Variants in NELL1 observed in about 807,000 individuals in gnomAD.
NELL1 encodes protein kinase C-binding protein NELL1.
NELL1 carries 76 observed loss-of-function variants against 107.4 expected under a neutral mutation model. That is an observed-to-expected ratio of 0.71 (90% CI 0.59 to 0.86). NELL1 has a LOEUF of 0.86. Among genes scored for constraint, NELL1 ranks in the 40% least tolerant of loss-of-function variants. The probability of loss-of-function intolerance (pLI) is 0.00; values close to 1 mark genes in which losing one functional copy is unlikely to be tolerated. For missense variants in NELL1, 1,024 were observed against 1,005.5 expected (o/e 1.02, Z -0.25); for synonymous variants, 353 against 341.2 (o/e 1.03, Z -0.38).
intron 15 of NELL1, among the ~76,000 whole-genome samples, chr11:21,377,304 A>G (rs908183324): frequency 2.6e-5 from 4 of 152,254 alleles, no homozygotes; most frequent in Admixed American, 1.3e-4. Context: ...GGAGATAATC[A>G]TATGGTTTTC....
At position 20,924,367 on chromosome 11, in the gene NELL1, A is replaced by G. The variant is rs192770156; in HGVS notation, c.760-2941A>G. Among the ~76,000 whole-genome samples the G allele has an allele frequency of 2.8e-3, 428 of 152,332 alleles. 2 individuals are homozygous for G. Among genetic ancestry groups the G allele is most frequent in the African/African-American group, 9.7e-3 (403 of 41,574 alleles). On this transcript the variant is annotated intron_variant, in intron 7 of 19. Transcript: ENST00000357134. ...GTGTGCTCTTATTATTACAGACAAT[A>G]GGACTTCTCAATGTTGTCAGAAAAG...
chr11:20,835,522 TAAAG>T (rs1365980807), intron 3 of NELL1, among the ~76,000 whole-genome samples: 7 of 152,212 alleles, frequency 4.6e-5, no homozygotes, highest in African/African-American at 1.4e-4. Flanking sequence ...ACAGTAAAAA[TAAAG>T]AAAATGCTCT....
intron 13 of NELL1, among the ~76,000 whole-genome samples, chr11:21,161,485 C>T (rs1488537861): frequency 3.9e-5 from 6 of 151,994 alleles, no homozygotes; most frequent in Admixed American, 2.0e-4. Context: ...TTCAGTGAGC[C>T]GAGATCATGC....
At chr11:21,125,018 A>G (rs1855457833) in intron 13 of NELL1, among the ~76,000 whole-genome samples, 1 of 152,234 alleles carries the variant, frequency 6.6e-6, no homozygotes, top group East Asian at 1.9e-4. Context: ...TCCTAATACC[A>G]TCACCCTAGG....
intron 14 of NELL1, among the ~76,000 whole-genome samples, chr11:21,247,352 T>C (rs2133905578): frequency 6.6e-6 from 1 of 152,328 alleles, no homozygotes; most frequent in East Asian, 1.9e-4. Context: ...ACACTTAGCT[T>C]AAAAAACACA....
chr11:21,107,552 A>T (rs377188285), intron 12 of NELL1, among the ~76,000 whole-genome samples: 3 of 152,128 alleles, frequency 2.0e-5, no homozygotes, highest in African/African-American at 7.2e-5. Flanking sequence ...CTTAGTTTTC[A>T]GGGGAGATGT....
At chr11:20,779,962 C>T (rs532774228) in intron 2 of NELL1, among the ~76,000 whole-genome samples, 1 of 152,250 alleles carries the variant, frequency 6.6e-6, no homozygotes, top group South Asian at 2.1e-4. Flanking sequence ...AGTGTTTCTG[C>T]CTGCATATTG....
At chr11:20,691,961 A>G (rs368709426) in intron 2 of NELL1, among the ~76,000 whole-genome samples, 5 of 152,082 alleles carry the variant, frequency 3.3e-5, no homozygotes, top group Middle Eastern at 3.4e-3. Flanking sequence ...ACAATTTCAG[A>G]TCCTGTTATT....
chr11:20,752,471 C>T lies in NELL1; in HGVS notation c.185-31209C>T, dbSNP rs561401309. ...GGCTGAGGCAGGAGAATCACTTGAACCCAGGAGGTGGAGGTTGCGGTGAGC... is the reference window on the plus strand; with the variant it reads ...GGCTGAGGCAGGAGAATCACTTGAATCCAGGAGGTGGAGGTTGCGGTGAGC... On this transcript the variant is annotated intron_variant, in intron 2 of 19. Coordinates refer to ENST00000357134, the MANE Select transcript of NELL1 (RefSeq NM_006157.5). Among the ~76,000 whole-genome samples, 3 of 152,310 alleles carry T rather than the reference C, an allele frequency of 2.0e-5. No individual in the cohort carries two copies. In the South Asian group the frequency reaches 6.2e-4, roughly 32 times the overall value.
intron 2 of NELL1, among the ~76,000 whole-genome samples, chr11:20,729,578 T>G (rs528809292): frequency 2.0e-5 from 3 of 152,330 alleles, no homozygotes; most frequent in Non-Finnish European, 4.4e-5. Context: ...ATTTTAAAAA[T>G]TCTGTTTGTG....
At chr11:20,903,773 G>A (rs980178960) in intron 5 of NELL1, among the ~76,000 whole-genome samples, 7 of 152,022 alleles carry the variant, frequency 4.6e-5, no homozygotes, top group African/African-American at 1.4e-4. Context: ...GCTGTTTCTC[G>A]ACAGAAACAC....
intron 2 of NELL1, among the ~76,000 whole-genome samples, chr11:20,782,328 G>C (rs1479756916): frequency 6.6e-6 from 1 of 152,166 alleles, no homozygotes; most frequent in Non-Finnish European, 1.5e-5. Context: ...CCTGGGTTGG[G>C]TGTCTCCATG....
chr11:21,004,219 CT>C (rs1337157749), intron 12 of NELL1, among the ~76,000 whole-genome samples: 2 of 152,062 alleles, frequency 1.3e-5, no homozygotes, highest in African/African-American at 2.4e-5. Context: ...CTGTATTCAT[CT>C]TTATGTCCCT....
chr11:21,470,564 T>C (rs1590957274), intron 15 of NELL1, among the ~76,000 whole-genome samples: 1 of 152,248 alleles, frequency 6.6e-6, no homozygotes, highest in East Asian at 1.9e-4. Context: ...TCCAAGCCAC[T>C]GATGGTGCCT....
At chr11:21,447,440 T>C (rs1853460519) in intron 15 of NELL1, among the ~76,000 whole-genome samples, 1 of 152,154 alleles carries the variant, frequency 6.6e-6, no homozygotes, top group Non-Finnish European at 1.5e-5. Context: ...ATGTACTACC[T>C]GGTTACTTCT....
chr11:20,923,820 T>C (rs1327538950), intron 7 of NELL1, among the ~76,000 whole-genome samples: 1 of 152,238 alleles, frequency 6.6e-6, no homozygotes, highest in Non-Finnish European at 1.5e-5. Flanking sequence ...AATGATTTTT[T>C]GATTAAGCTT....
chr11:20,879,650 T>A (rs1849371191), intron 4 of NELL1, among the ~76,000 whole-genome samples: 1 of 152,170 alleles, frequency 6.6e-6, no homozygotes, highest in Non-Finnish European at 1.5e-5. Flanking sequence ...TCTTATAAAA[T>A]GTTTCTTCCA....
chr11:21,243,888 G>A (rs1280898556), intron 14 of NELL1, among the ~76,000 whole-genome samples: 1 of 152,048 alleles, frequency 6.6e-6, no homozygotes, highest in African/African-American at 2.4e-5. Context: ...AGCACACAAA[G>A]GGGTGATCTC....
chr11:21,276,078 G>A (rs563725967), intron 14 of NELL1, among the ~76,000 whole-genome samples: 2 of 152,244 alleles, frequency 1.3e-5, no homozygotes, highest in South Asian at 2.1e-4. Flanking sequence ...AGGAAATAAA[G>A]GGTATTCAAT....
Sources: gnomAD v4.1 joint callset for allele counts (sites outside exome capture counted in the v4.1 genomes callset) on GRCh38, gnomAD v4.1.1 for gene constraint, MANE v1.5 for transcripts, NCBI Gene and HGNC (gene_info 2026-07-23, HGNC 2026-07-21) for gene names.